The following GRID2 variants were observed in gnomAD, a reference collection of about 807,000 sequenced individuals.
GRID2 encodes glutamate receptor ionotropic, delta-2.
In GRID2, 33 loss-of-function variants were observed where a neutral mutation model predicts 114.8. The observed-to-expected ratio is 0.29, with a 90% CI of 0.22 to 0.38. GRID2 has a LOEUF of 0.38. Ranked by LOEUF, GRID2 falls within the 10% of genes least tolerant of loss-of-function variation. The pLI is 1.00. For synonymous variants in GRID2, 505 were observed against 449.9 expected, an observed-to-expected ratio of 1.12 and a Z score of -1.55; for missense variants, 1,184 against 1,257.7, an observed-to-expected ratio of 0.94 and a Z score of 0.89.
chr4:92,531,762 G>T (rs534487260), intron 1 of GRID2, among the ~76,000 whole-genome samples: 3 of 151,266 alleles, frequency 2.0e-5, no homozygotes, highest in Admixed American at 1.3e-4. Context: ...AGCTATGACA[G>T]ATTTTCCTTT....
At chr4:92,462,703 T>A (rs1266733809) in intron 1 of GRID2, among the ~76,000 whole-genome samples, 1 of 151,110 alleles carries the variant, frequency 6.6e-6, no homozygotes. Context: ...TGTTAAGTGA[T>A]CGGTTTAAAA....
chr4:93,680,072 G>A (rs1202555338), intron 14 of GRID2, among the ~76,000 whole-genome samples: 1 of 151,088 alleles, frequency 6.6e-6, no homozygotes, highest in Non-Finnish European at 1.5e-5. Flanking sequence ...TCAAATAGAT[G>A]CAATAAAAAA....
intron 2 of GRID2, among the ~76,000 whole-genome samples, chr4:92,962,145 C>T (rs975230157): frequency 5.3e-5 from 8 of 151,984 alleles, no homozygotes; most frequent in Non-Finnish European, 1.0e-4. Flanking sequence ...ATAATTCTAA[C>T]ATCCCTGCCT....
chr4:93,345,146 A>C (rs537241299), intron 8 of GRID2, among the ~76,000 whole-genome samples: 1 of 151,936 alleles, frequency 6.6e-6, no homozygotes, highest in African/African-American at 2.4e-5. Context: ...TAACATACTG[A>C]TTTTATTTCT....
intron 8 of GRID2, among the ~76,000 whole-genome samples, chr4:93,309,064 T>C (rs1755735430): frequency 1.3e-5 from 2 of 152,170 alleles, no homozygotes; most frequent in African/African-American, 4.8e-5. Flanking sequence ...TACTAAATAT[T>C]TTATCTAGCA....
chr4:92,716,570 G>C (rs192267786), intron 2 of GRID2, among the ~76,000 whole-genome samples: 110 of 152,304 alleles, frequency 7.2e-4, no homozygotes, highest in Non-Finnish European at 1.3e-3. Context: ...TGATCATTTT[G>C]ATGGTCTTTT....
intron 2 of GRID2, among the ~76,000 whole-genome samples, chr4:92,709,608 A>G (rs1005332556): frequency 4.1e-5 from 6 of 145,962 alleles, no homozygotes; most frequent in African/African-American, 1.5e-4. Context: ...ATATATATAT[A>G]TGTAATTTGA....
chr4:92,537,719 G>T (rs1725714687), intron 1 of GRID2, among the ~76,000 whole-genome samples: 1 of 151,158 alleles, frequency 6.6e-6, no homozygotes. Context: ...ACAGTCTATT[G>T]CCCTTTTCAA....
intron 13 of GRID2, among the ~76,000 whole-genome samples, chr4:93,578,290 T>C (rs1402040859): frequency 6.6e-6 from 1 of 151,980 alleles, no homozygotes; most frequent in Non-Finnish European, 1.5e-5. Context: ...AGGAGAAAAA[T>C]AGGTATTTTG....
intron 11 of GRID2, among the ~76,000 whole-genome samples, chr4:93,458,058 C>G (rs1484430046): frequency 6.6e-6 from 1 of 152,022 alleles, no homozygotes; most frequent in Non-Finnish European, 1.5e-5. Flanking sequence ...ATTGCAAACT[C>G]CTGATTGAGG....
intron 1 of GRID2, among the ~76,000 whole-genome samples, chr4:92,456,549 CAG>C (rs1380145639): frequency 6.6e-6 from 1 of 151,900 alleles, no homozygotes; most frequent in Non-Finnish European, 1.5e-5. Context: ...ATGCAGAACT[CAG>C]GGGAAAAGGT....
intron 2 of GRID2, among the ~76,000 whole-genome samples, chr4:92,805,253 C>CTG (rs1431105237): frequency 6.6e-6 from 1 of 151,838 alleles, no homozygotes. Flanking sequence ...CTCTCTCTCT[C>CTG]TGTGCTTCAA....
intron 13 of GRID2, among the ~76,000 whole-genome samples, chr4:93,597,187 A>C (rs1739192679): frequency 6.6e-6 from 1 of 152,246 alleles, no homozygotes; most frequent in Admixed American, 6.5e-5. Flanking sequence ...AATAACAACA[A>C]ACAATAAGCA....
intron 14 of GRID2, among the ~76,000 whole-genome samples, chr4:93,691,464 G>A (rs1166262079): frequency 6.6e-6 from 1 of 152,078 alleles, no homozygotes; most frequent in Non-Finnish European, 1.5e-5. Context: ...ATCATGAAAA[G>A]TGTCCAGGGT....
chr4:92,755,954 G>T (rs907151248), intron 2 of GRID2, among the ~76,000 whole-genome samples: 1 of 152,052 alleles, frequency 6.6e-6, no homozygotes, highest in African/African-American at 2.4e-5. Flanking sequence ...TATCTTTTCC[G>T]TCTGCTGAGT....
intron 13 of GRID2, among the ~76,000 whole-genome samples, chr4:93,567,261 C>T (rs1200229684): frequency 6.6e-6 from 1 of 152,170 alleles, no homozygotes; most frequent in Non-Finnish European, 1.5e-5. Flanking sequence ...CCCCACATTC[C>T]TATTTACAAT....
chr4:93,286,976 GGT>G (rs1753240879), intron 8 of GRID2, among the ~76,000 whole-genome samples: 1 of 151,986 alleles, frequency 6.6e-6, no homozygotes, highest in South Asian at 2.1e-4. Flanking sequence ...TTATTCTTAA[GGT>G]GAGAAAAATG....
intron 14 of GRID2, among the ~76,000 whole-genome samples, chr4:93,647,786 A>G (rs1357079494): frequency 1.3e-5 from 2 of 152,198 alleles, no homozygotes; most frequent in Non-Finnish European, 2.9e-5. Flanking sequence ...CCCTACAACT[A>G]ATTTAAAGAA....
chr4:92,505,495 A>G (rs571499090), intron 1 of GRID2, among the ~76,000 whole-genome samples: 1 of 152,164 alleles, frequency 6.6e-6, no homozygotes, highest in South Asian at 2.1e-4. Flanking sequence ...CAGCATAGTG[A>G]TAAAATTTTG....
Sources: allele counts gnomAD v4.1 joint callset (sites outside exome capture counted in the v4.1 genomes callset), GRCh38; gene constraint gnomAD v4.1.1; transcripts MANE v1.5; gene names NCBI Gene and HGNC (gene_info 2026-07-23, HGNC 2026-07-21).